The following PDZD2 variants were observed in gnomAD, a reference collection of about 807,000 sequenced individuals.
PDZD2 encodes the protein PDZ domain-containing protein 2.
PDZD2 carries 90 observed loss-of-function variants against 220.7 expected under a neutral mutation model. The observed-to-expected ratio is 0.41, with a 90% confidence interval of 0.34 to 0.49. PDZD2 has a LOEUF of 0.49. Ranked by LOEUF, PDZD2 falls within the 20% of genes least tolerant of loss-of-function variation. PDZD2 has a pLI of 0.28. For synonymous variants in PDZD2, 1,375 were observed against 1,450.5 expected, an observed-to-expected ratio of 0.95 and a Z score of 1.18; for missense variants, 3,174 against 3,608.5, an observed-to-expected ratio of 0.88 and a Z score of 3.08.
chr5:32,024,420 T>A (rs1335432409), intron 6 of PDZD2, among the ~76,000 whole-genome samples: 1 of 152,086 alleles, frequency 6.6e-6, no homozygotes, highest in Non-Finnish European at 1.5e-5. Context: ...TGGTGGCTCA[T>A]CCCTGTAATC....
chr5:31,691,532 G>A (rs1376366881), intron 1 of PDZD2, among the ~76,000 whole-genome samples: 1 of 148,686 alleles, frequency 6.7e-6, no homozygotes, highest in Admixed American at 6.7e-5. Context: ...CTTATCTGGC[G>A]CCACCTGCTT....
intron 3 of PDZD2, among the ~76,000 whole-genome samples, chr5:31,989,317 T>G (rs1267648822): frequency 6.6e-6 from 1 of 152,182 alleles, no homozygotes; most frequent in Non-Finnish European, 1.5e-5. Flanking sequence ...GTTATTTCAC[T>G]GAAGGTAATG....
intron 2 of PDZD2, among the ~76,000 whole-genome samples, chr5:31,857,916 TC>T (rs1489601519): frequency 6.6e-6 from 1 of 152,186 alleles, no homozygotes; most frequent in Non-Finnish European, 1.5e-5. Flanking sequence ...AACCCCTGTC[TC>T]CCGGGTTCAA....
chr5:31,709,652 T>C (rs1747995220), intron 1 of PDZD2, among the ~76,000 whole-genome samples: 5 of 152,128 alleles, frequency 3.3e-5, no homozygotes, highest in African/African-American at 1.2e-4. Flanking sequence ...CAGTATCTTT[T>C]CCAAGGCCAT....
intron 20 of PDZD2, among the ~76,000 whole-genome samples, 172 bp downstream of exon 20, chr5:32,091,347 C>T (rs550477181): frequency 8.3e-5 from 12 of 144,098 alleles, no homozygotes; most frequent in African/African-American, 2.6e-4. Context: ...TGCAATGGCG[C>T]GATCTCGGCT....
chr5:31,659,402 T>C (rs1000853558), intron 1 of PDZD2, among the ~76,000 whole-genome samples: 8 of 152,010 alleles, frequency 5.3e-5, no homozygotes, highest in East Asian at 3.9e-4. Context: ...CATCCAAGTG[T>C]CTACCCGCCA....
At chr5:31,940,056 A>C (rs562075249) in intron 2 of PDZD2, among the ~76,000 whole-genome samples, 1 of 152,306 alleles carries the variant, frequency 6.6e-6, no homozygotes, top group East Asian at 1.9e-4. Flanking sequence ...GCCCCTCTTA[A>C]GAGCTTTTGT....
chr5:32,072,003 C>T (rs1027703005), intron 16 of PDZD2, among the ~76,000 whole-genome samples, 158 bp from the exon 17 acceptor site: 2 of 152,172 alleles, frequency 1.3e-5, no homozygotes, highest in Non-Finnish European at 2.9e-5. Context: ...GTCAATTTAG[C>T]CGTTCTGAGG....
chr5:31,671,816 G>A (rs1230136399), intron 1 of PDZD2, among the ~76,000 whole-genome samples: 2 of 152,242 alleles, frequency 1.3e-5, no homozygotes, highest in Non-Finnish European at 2.9e-5. Flanking sequence ...AAGGCTCTGA[G>A]TCTGTAGTTA....
intron 6 of PDZD2, among the ~76,000 whole-genome samples, chr5:32,028,368 C>A (rs1754842255): frequency 6.6e-6 from 1 of 152,198 alleles, no homozygotes; most frequent in South Asian, 2.1e-4. Context: ...CCCCCCACCC[C>A]TAGAAGACGA....
At chr5:31,886,499 C>A (rs557528429) in intron 2 of PDZD2, among the ~76,000 whole-genome samples, 120 of 152,220 alleles carry the variant, frequency 7.9e-4, no homozygotes, top group African/African-American at 2.8e-3. Flanking sequence ...CCCTTTGCCC[C>A]TCCACCCTTC....
At position 32,110,262 on chromosome 5, in the gene PDZD2, C is replaced by G. The variant is rs919010340; in HGVS notation, c.*2127C>G. 14 of 152,634 alleles carry G rather than the reference C, an allele frequency of 9.2e-5. No individual in the cohort carries two copies. The highest frequency in any genetic ancestry group is 3.4e-4 in the African/African-American group (14 of 41,448). 9.5% of individuals were successfully genotyped at this position (152,634 alleles called of 1,614,324 possible). On this transcript the variant is annotated 3_prime_UTR_variant, in exon 25 of 25. Transcript: ENST00000438447. ...GAGCAAATGGAATGGTCTCCTTCCG[C>G]AAGTCTTTTTAATCCTCATATCTGG...
At position 31,799,434 on chromosome 5, in the gene PDZD2, C is replaced by T. The variant is rs371280714; in HGVS notation, c.186C>T (p.Ser62=). 1.2e-6 allele frequency: 2 copies of T among 1,613,904 alleles called. No individual in the cohort carries two copies. Among genetic ancestry groups the T allele is most frequent in the South Asian group, 2.2e-5 (2 of 91,062 alleles). Residue 62 remains serine, a synonymous_variant, in exon 2 of 25, where the codon AGC becomes AGT. Coordinates refer to ENST00000438447, the MANE Select transcript of PDZD2 (RefSeq NM_178140.4). ...VDESTVPPDH[S]PPEMEICTVY... ...AGAGTACGGTCCCACCTGATCACAG[C>T]CCCCCCGAAATGGAGATCTGTACTG...
intron 2 of PDZD2, among the ~76,000 whole-genome samples, chr5:31,846,161 T>A (rs994925200): frequency 6.6e-6 from 1 of 152,110 alleles, no homozygotes; most frequent in African/African-American, 2.4e-5. Flanking sequence ...TGAGACGGAG[T>A]CTCACTCTGT....
chr5:31,807,696 A>G (rs1024315114), intron 2 of PDZD2, among the ~76,000 whole-genome samples: 3 of 152,180 alleles, frequency 2.0e-5, no homozygotes, highest in African/African-American at 7.2e-5. Flanking sequence ...TGGCGGATGC[A>G]AGAACCGGGT....
At chr5:31,915,868 G>A (rs1179796147) in intron 2 of PDZD2, among the ~76,000 whole-genome samples, 1 of 152,086 alleles carries the variant, frequency 6.6e-6, no homozygotes, top group South Asian at 2.1e-4. Flanking sequence ...CCTACAGAGC[G>A]GAGCTTTGTT....
intron 2 of PDZD2, among the ~76,000 whole-genome samples, chr5:31,810,341 C>A (rs553673084): frequency 1.3e-5 from 2 of 151,110 alleles, no homozygotes; most frequent in South Asian, 4.2e-4. Flanking sequence ...CCGCTCACTG[C>A]AACCTCCGCC....
At chr5:31,867,838 A>G (rs1258700590) in intron 2 of PDZD2, among the ~76,000 whole-genome samples, 2 of 149,306 alleles carry the variant, frequency 1.3e-5, no homozygotes, top group Admixed American at 1.4e-4. Flanking sequence ...ACCCGTAACT[A>G]TCAGACAAAG....
intron 2 of PDZD2, among the ~76,000 whole-genome samples, chr5:31,951,717 T>C (rs1581147202): frequency 6.6e-6 from 1 of 152,234 alleles, no homozygotes; most frequent in Non-Finnish European, 1.5e-5. Context: ...GTTCGCGTAG[T>C]GTCTCATGAA....
Sources: allele counts gnomAD v4.1 joint callset (sites outside exome capture counted in the v4.1 genomes callset), GRCh38; gene constraint gnomAD v4.1.1; transcripts MANE v1.5; gene names NCBI Gene and HGNC (gene_info 2026-07-23, HGNC 2026-07-21).